GOLPH3: variants seen among roughly 807,000 people sequenced by gnomAD.
The protein encoded by GOLPH3 is coat protein GPP34.
In GOLPH3, 14 loss-of-function variants were observed where a neutral mutation model predicts 28.5. That is an observed-to-expected ratio of 0.49 (90% CI 0.32 to 0.77). The LOEUF is 0.77. GOLPH3 is among the 30% of genes least tolerant of loss of function. GOLPH3 has a pLI of 0.03. For synonymous variants in GOLPH3, 158 were observed against 159.2 expected (o/e 0.99, Z 0.06); for missense variants, 350 against 393.7 (o/e 0.89, Z 0.94).
At chr5:32,136,530 T>C (rs1423331446) in intron 2 of GOLPH3, among the ~76,000 whole-genome samples, 1 of 150,870 alleles carries the variant, frequency 6.6e-6, no homozygotes, top group Non-Finnish European at 1.5e-5. Flanking sequence ...AGCAACATAC[T>C]AGGACAGTTT....
intron 3 of GOLPH3, among the ~76,000 whole-genome samples, chr5:32,128,105 T>C (rs1361227863): frequency 4.6e-5 from 7 of 152,260 alleles, no homozygotes; most frequent in South Asian, 2.1e-4. Context: ...CTGCAAGGTG[T>C]TCCTTGAGTC....
At position 32,126,202 on chromosome 5, in the gene GOLPH3, C is replaced by G. The variant is rs1745674362; in HGVS notation, c.*10G>C. ...TTGAGAGAAAGGAGAATGGTTCACC[C>G]CGAGCAGAGTTACTTGGTGAACGCC... On this transcript the variant is annotated 3_prime_UTR_variant, in exon 4 of 4. Transcript: ENST00000265070. 1.2e-5 allele frequency: 19 copies of G among 1,603,458 alleles called. No homozygotes were observed. The highest frequency in any genetic ancestry group is 1.6e-5 in the Non-Finnish European group (19 of 1,171,854).
chr5:32,150,610 A>C (rs1413822753), intron 1 of GOLPH3, among the ~76,000 whole-genome samples: 1 of 152,122 alleles, frequency 6.6e-6, no homozygotes, highest in Non-Finnish European at 1.5e-5. Flanking sequence ...AACATACTGA[A>C]ATCAAATACA....
chr5:32,125,612 A>C lies in GOLPH3; in HGVS notation c.*600T>G, dbSNP rs1745659139. 1 of 152,722 alleles carries C rather than the reference A, an allele frequency of 6.5e-6. No individual in the cohort carries two copies. The highest frequency in any genetic ancestry group is 1.5e-5 in the Non-Finnish European group (1 of 68,094). 9.5% of individuals were successfully genotyped at this position (152,722 alleles called of 1,614,324 possible). ...CAAACTGGCTCTGTGAAACAATTGG[A>C]CCTTTATAGTTAAAATTATAACAAG... On this transcript the variant is annotated 3_prime_UTR_variant, in exon 4 of 4. Coordinates refer to ENST00000265070, the MANE Select transcript of GOLPH3 (RefSeq NM_022130.4).
At chr5:32,140,609 G>A (rs1389167294) in intron 2 of GOLPH3, among the ~76,000 whole-genome samples, 2 of 151,210 alleles carry the variant, frequency 1.3e-5, no homozygotes, top group African/African-American at 2.4e-5. Flanking sequence ...GTTACAGTGA[G>A]CTGAGATGGC....
At chr5:32,149,991 A>G (rs1324516820) in intron 1 of GOLPH3, among the ~76,000 whole-genome samples, 1 of 152,182 alleles carries the variant, frequency 6.6e-6, no homozygotes, top group Non-Finnish European at 1.5e-5. Flanking sequence ...CTCAAGAAAA[A>G]AAAAAAAAGT....
At chr5:32,147,004 C>T (rs774840223) in intron 1 of GOLPH3, among the ~76,000 whole-genome samples, 19 of 151,988 alleles carry the variant, frequency 1.3e-4, no homozygotes, top group Admixed American at 4.6e-4. Flanking sequence ...CCACAGGCCA[C>T]GGGTTGGACA....
At chr5:32,144,686 T>TA (rs1746151725) in intron 1 of GOLPH3, among the ~76,000 whole-genome samples, 1 of 152,006 alleles carries the variant, frequency 6.6e-6, no homozygotes, top group African/African-American at 2.4e-5. Flanking sequence ...TTCTCAATAA[T>TA]AAACAGTATA....
At chr5:32,164,827 A>G (rs1204671654) in intron 1 of GOLPH3, among the ~76,000 whole-genome samples, 2 of 152,100 alleles carry the variant, frequency 1.3e-5, no homozygotes, top group African/African-American at 4.8e-5. Flanking sequence ...AAATGTATTA[A>G]GTAAATTTAT....
chr5:32,147,539 A>AT (rs1746206375), intron 1 of GOLPH3, among the ~76,000 whole-genome samples: 2 of 152,180 alleles, frequency 1.3e-5, no homozygotes, highest in South Asian at 4.2e-4. Context: ...AAATAGTCCC[A>AT]TTTTTTAGGG....
chr5:32,171,488 A>T (rs1746836468), intron 1 of GOLPH3, among the ~76,000 whole-genome samples: 1 of 148,458 alleles, frequency 6.7e-6, no homozygotes. Context: ...CTTATTTTTT[A>T]GTTTTTTTTT....
chr5:32,143,040 C>T (rs1284175042), intron 2 of GOLPH3, among the ~76,000 whole-genome samples: 1 of 152,164 alleles, frequency 6.6e-6, no homozygotes, highest in Non-Finnish European at 1.5e-5. Context: ...ATTGAGAAAT[C>T]GGATGGTTGC....
intron 1 of GOLPH3, among the ~76,000 whole-genome samples, chr5:32,163,953 G>C (rs1490700037): frequency 5.3e-5 from 8 of 152,094 alleles, no homozygotes; most frequent in African/African-American, 1.7e-4. Context: ...AATGAAACCA[G>C]AGTAAAAATA....
At chr5:32,158,824 A>G (rs1746511697) in intron 1 of GOLPH3, among the ~76,000 whole-genome samples, 1 of 151,978 alleles carries the variant, frequency 6.6e-6, no homozygotes, top group East Asian at 1.9e-4. Flanking sequence ...TCTTCAAGAT[A>G]CTCTCCATTA....
At chr5:32,130,580 A>G (rs1414104024) in intron 3 of GOLPH3, among the ~76,000 whole-genome samples, 1 of 152,182 alleles carries the variant, frequency 6.6e-6, no homozygotes, top group African/African-American at 2.4e-5. Context: ...TATACTCCAG[A>G]GACATCTTAG....
At chr5:32,146,956 G>A (rs1321896518) in intron 1 of GOLPH3, among the ~76,000 whole-genome samples, 1 of 151,908 alleles carries the variant, frequency 6.6e-6, no homozygotes. Flanking sequence ...TTACAAATTT[G>A]TGCTGGACCA....
intron 3 of GOLPH3, 56 bp from the exon 4 acceptor site, chr5:32,126,692 A>C: frequency 7.1e-7 from 1 of 1,402,920 alleles, no homozygotes; most frequent in Non-Finnish European, 9.7e-7. Context: ...TAATTTTGCA[A>C]AAATTTTGTA....
chr5:32,130,472 T>C (rs1745803333), intron 3 of GOLPH3, among the ~76,000 whole-genome samples: 1 of 152,220 alleles, frequency 6.6e-6, no homozygotes, highest in African/African-American at 2.4e-5. Context: ...ACTGACTTAA[T>C]ATGTTTATGT....
At chr5:32,168,135 C>G (rs113355003) in intron 1 of GOLPH3, among the ~76,000 whole-genome samples, 2,136 of 152,130 alleles carry the variant, frequency 0.014, 47 homozygotes, top group African/African-American at 0.049. Flanking sequence ...AACTCAGAAG[C>G]CTTTATTATA....
Sources: gnomAD v4.1 joint callset for allele counts (sites outside exome capture counted in the v4.1 genomes callset) on GRCh38, gnomAD v4.1.1 for gene constraint, MANE v1.5 for transcripts, NCBI Gene and HGNC (gene_info 2026-07-23, HGNC 2026-07-21) for gene names.